The following POU6F2 variants were observed in gnomAD, a reference collection of about 807,000 sequenced individuals.
POU6F2 encodes POU domain, class 6, transcription factor 2.
Under a neutral mutation model 71.3 loss-of-function variants are expected in POU6F2, and 31 were observed. The observed-to-expected ratio is 0.43, with a 90% confidence interval of 0.33 to 0.59. The LOEUF is 0.59. POU6F2 is among the 20% of genes least tolerant of loss of function. The pLI, the probability that POU6F2 is intolerant of heterozygous loss-of-function variation, is 0.04. For synonymous variants in POU6F2, 347 were observed against 355.7 expected (o/e 0.98, Z 0.27); for missense variants, 783 against 856.8 (o/e 0.91, Z 1.07).
intron 2 of POU6F2, among the ~76,000 whole-genome samples, chr7:39,192,710 C>T (rs1037379695): frequency 4.6e-5 from 7 of 152,138 alleles, no homozygotes; most frequent in Admixed American, 2.6e-4. Context: ...AGCATTCCTC[C>T]AGCACATTTT....
At chr7:39,414,741 A>C (rs1357822419) in intron 6 of POU6F2, among the ~76,000 whole-genome samples, 2 of 147,740 alleles carry the variant, frequency 1.4e-5, no homozygotes, top group African/African-American at 5.0e-5. Flanking sequence ...GAAATGAAAG[A>C]GTTATCAATC....
intron 6 of POU6F2, among the ~76,000 whole-genome samples, chr7:39,432,535 A>C (rs938003809): frequency 3.3e-5 from 5 of 152,258 alleles, no homozygotes; most frequent in Non-Finnish European, 1.5e-5. Flanking sequence ...ACCACTGTGA[A>C]CACCAGGGTG....
rs561479595 is a variant in POU6F2, at chr7:39,339,938, T to G, written c.895T>G (p.Ser299Ala). The G allele has an allele frequency of 5.2e-5, 84 of 1,613,702 alleles. 1 individual carries two copies. In the South Asian group the frequency reaches 9.1e-4, roughly 18 times the overall value. Residue 299 changes from serine to alanine, a missense_variant, in exon 5 of 10, where the codon TCC (serine) becomes GCC (alanine). Physicochemically the swap from Ser to Ala is moderately conservative, Grantham distance 99. Coordinates refer to ENST00000518318, the MANE Select transcript of POU6F2 (RefSeq NM_001370959.1). ...CCAACCATCTCCAACCCAGCAGAGCTCCAGCCCCCCGCAGAAACCTAGTCA... is the reference window on the plus strand; with the variant it reads ...CCAACCATCTCCAACCCAGCAGAGCGCCAGCCCCCCGCAGAAACCTAGTCA... ...QNQPSPTQQS[S>A]SPPQKPSQSP...
intron 1 of POU6F2, among the ~76,000 whole-genome samples, chr7:39,012,541 A>G (rs1399808039): frequency 6.6e-6 from 1 of 151,844 alleles, no homozygotes; most frequent in Non-Finnish European, 1.5e-5. Context: ...GTCATTCTCC[A>G]TCCAGCTTTG....
intron 5 of POU6F2, among the ~76,000 whole-genome samples, chr7:39,385,160 A>G (rs1365823669): frequency 6.6e-6 from 1 of 152,236 alleles, no homozygotes; most frequent in Non-Finnish European, 1.5e-5. Flanking sequence ...TATCATTTCT[A>G]TAATTGCTAA....
At chr7:39,335,937 G>A (rs184403200) in intron 4 of POU6F2, among the ~76,000 whole-genome samples, 5 of 152,264 alleles carry the variant, frequency 3.3e-5, no homozygotes, top group East Asian at 1.9e-4. Context: ...CCGGCATCCT[G>A]GCCAAGGCTC....
chr7:39,032,997 C>T (rs199507284), intron 1 of POU6F2, among the ~76,000 whole-genome samples: 2 of 152,202 alleles, frequency 1.3e-5, no homozygotes, highest in East Asian at 1.9e-4. Context: ...CTGGTAGTTA[C>T]TCCCGTTCAG....
chr7:39,140,857 G>C (rs1403108657), intron 2 of POU6F2, among the ~76,000 whole-genome samples: 1 of 152,170 alleles, frequency 6.6e-6, no homozygotes, highest in African/African-American at 2.4e-5. Flanking sequence ...AGTGCAGTGA[G>C]GAGTCACCAG....
intron 1 of POU6F2, among the ~76,000 whole-genome samples, chr7:39,065,961 A>T (rs1345890299): frequency 2.6e-5 from 4 of 151,928 alleles, no homozygotes; most frequent in Admixed American, 1.3e-4. Flanking sequence ...AATTGTCTTG[A>T]TATTAACCCA....
intron 4 of POU6F2, among the ~76,000 whole-genome samples, chr7:39,219,924 G>A (rs542862832): frequency 1.3e-5 from 2 of 152,138 alleles, no homozygotes; most frequent in East Asian, 3.9e-4. Flanking sequence ...AACTCACACG[G>A]GAGAAAGTTG....
intron 1 of POU6F2, among the ~76,000 whole-genome samples, chr7:39,084,469 T>C (rs767503169): frequency 3.0e-4 from 45 of 152,334 alleles, no homozygotes; most frequent in Admixed American, 4.6e-4. Flanking sequence ...TGCTGAGTGC[T>C]TCAGCCTTAA....
chr7:39,408,537 G>T (rs1787486645), intron 6 of POU6F2, among the ~76,000 whole-genome samples: 1 of 152,188 alleles, frequency 6.6e-6, no homozygotes, highest in Non-Finnish European at 1.5e-5. Flanking sequence ...CCAAGTAGAA[G>T]ATTGATTGGT....
intron 7 of POU6F2, among the ~76,000 whole-genome samples, chr7:39,439,303 T>C (rs1387945721): frequency 6.6e-6 from 1 of 152,118 alleles, no homozygotes; most frequent in Non-Finnish European, 1.5e-5. Context: ...GGGTCTTGAC[T>C]CTTTATCCAA....
intron 1 of POU6F2, among the ~76,000 whole-genome samples, chr7:39,030,987 T>A (rs10234710): frequency 1.3e-5 from 2 of 151,830 alleles, no homozygotes; most frequent in South Asian, 2.1e-4. Context: ...CGCAACCTCC[T>A]CCTCCCGGGT....
chr7:39,058,692 TAGG>T (rs71701997), intron 1 of POU6F2, among the ~76,000 whole-genome samples: 6,828 of 152,274 alleles, frequency 0.045, 216 homozygotes, highest in Non-Finnish European at 0.067. Flanking sequence ...TGCAAAGTAT[TAGG>T]AGAATAAATT....
intron 2 of POU6F2, among the ~76,000 whole-genome samples, chr7:39,097,098 T>C (rs1026555766): frequency 1.3e-5 from 2 of 152,200 alleles, no homozygotes; most frequent in Non-Finnish European, 2.9e-5. Flanking sequence ...CATTTTGCAC[T>C]CTTTGAAATT....
chr7:39,209,581 G>A (rs568686807), intron 4 of POU6F2, among the ~76,000 whole-genome samples: 4 of 152,138 alleles, frequency 2.6e-5, no homozygotes, highest in Non-Finnish European at 5.9e-5. Context: ...AGAAAGAGGT[G>A]GTCATCCTAA....
intron 1 of POU6F2, among the ~76,000 whole-genome samples, chr7:39,038,951 A>G (rs1562681376): frequency 6.6e-6 from 1 of 152,002 alleles, no homozygotes; most frequent in East Asian, 1.9e-4. Context: ...GTGTTTAATA[A>G]TGAGGGAAGA....
At chr7:39,351,616 T>G (rs1327343208) in intron 5 of POU6F2, among the ~76,000 whole-genome samples, 1 of 152,196 alleles carries the variant, frequency 6.6e-6, no homozygotes, top group Non-Finnish European at 1.5e-5. Flanking sequence ...CAAACTTTTA[T>G]TTGCATATGG....
Sources: gnomAD v4.1 joint callset for allele counts (sites outside exome capture counted in the v4.1 genomes callset) on GRCh38, gnomAD v4.1.1 for gene constraint, MANE v1.5 for transcripts, NCBI Gene and HGNC (gene_info 2026-07-23, HGNC 2026-07-21) for gene names.